The following SETD2 variants were observed in gnomAD, a reference collection of about 807,000 sequenced individuals.
SETD2 encodes histone-lysine N-methyltransferase SETD2.
SETD2 carries 31 observed loss-of-function variants against 242.1 expected under a neutral mutation model. The ratio of observed to expected loss-of-function variants is 0.13; its 90% CI spans 0.10 to 0.17. The LOEUF (loss-of-function observed/expected upper bound fraction) is 0.17, where lower values mean the gene tolerates loss of function less well. Ranked by LOEUF, SETD2 falls within the 10% of genes least tolerant of loss-of-function variation. The pLI is 1.00. For missense variants in SETD2, 2,481 were observed against 3,046.3 expected (o/e 0.81, Z 4.37); for synonymous variants, 1,006 against 1,066.5 (o/e 0.94, Z 1.11).
intron 5 of SETD2, among the ~76,000 whole-genome samples, chr3:47,112,228 C>T (rs2042682968): frequency 6.6e-6 from 1 of 151,708 alleles, no homozygotes; most frequent in Non-Finnish European, 1.5e-5. Context: ...AATTCTTCTG[C>T]CTCAGCCTCC....
chr3:47,107,911 T>C (rs1404417274), intron 5 of SETD2, among the ~76,000 whole-genome samples: 2 of 152,032 alleles, frequency 1.3e-5, no homozygotes, highest in Non-Finnish European at 2.9e-5. Context: ...AGCCCTGAGT[T>C]TGAATCTACA....
At chr3:47,120,036 TA>T in intron 3 of SETD2, 145 bp downstream of exon 3, 2 of 723,292 alleles carry the variant, frequency 2.8e-6, no homozygotes, top group Non-Finnish European at 4.3e-6. Context: ...TCTAAATAGG[TA>T]AAAACACTTT....
Position 47,163,988 on chromosome 3 carries a change from A to T in SETD2, c.-64T>A. 1 of 1,245,168 alleles carries T rather than the reference A, an allele frequency of 8.0e-7. No homozygotes were observed. Among genetic ancestry groups the T allele is most frequent in the Non-Finnish European group, 1.0e-6 (1 of 988,614 alleles). The allele number at this position is 1,245,168 out of a possible 1,614,324, so 77.1% of individuals were successfully genotyped here. ...GCAGCAGGGCGACGCGGGGGAGGGG[A>T]GGGGAGGAGGCCGCAGGTCCGACCG... On this transcript the variant is annotated 5_prime_UTR_variant, in exon 1 of 21. Transcript: ENST00000409792.
intron 12 of SETD2, among the ~76,000 whole-genome samples, chr3:47,080,263 A>G (rs976391252): frequency 2.6e-5 from 4 of 152,218 alleles, no homozygotes; most frequent in Admixed American, 1.3e-4. Flanking sequence ...GTCATTAGGA[A>G]GAGTTCAACT....
intron 15 of SETD2, among the ~76,000 whole-genome samples, chr3:47,047,424 T>C (rs2039580574): frequency 6.6e-6 from 1 of 152,226 alleles, no homozygotes; most frequent in African/African-American, 2.4e-5. Context: ...AGCCTTGCTG[T>C]CCTAAGAGGT....
Position 47,164,012 on chromosome 3 carries a change from CGCGGCGGCGGCGGCGGCGGCG to C in SETD2, c.-109_-89del, listed in dbSNP as rs76496241. On this transcript the variant is annotated 5_prime_UTR_variant, in exon 1 of 21. Transcript: ENST00000409792. This position sits in a 1 kb window ranked among gnomAD's most constrained non-coding sequence, Gnocchi z 5.4. The stretch of plus-strand genomic sequence containing the variant: ...GAGGGGAGGAGGCCGCAGGTCCGAC[CGCGGCGGCGGCGGCGGCGGCG>C]GCGGCGGCGGCAGGGGCGGCCCGCG... 1.8e-5 allele frequency: 22 copies of C among 1,192,264 alleles called. No individual in the cohort carries two copies. Among genetic ancestry groups the C allele is most frequent in the South Asian group, 1.7e-4 (4 of 24,184 alleles). 73.9% of individuals were successfully genotyped at this position (1,192,264 alleles called of 1,614,324 possible).
chr3:47,090,640 T>C (rs547172383), intron 9 of SETD2, among the ~76,000 whole-genome samples: 1 of 152,232 alleles, frequency 6.6e-6, no homozygotes, highest in East Asian at 1.9e-4. Context: ...TCTGCCCGCC[T>C]CAGCCTCCCA....
At chr3:47,075,311 G>A (rs573553248) in intron 12 of SETD2, among the ~76,000 whole-genome samples, 61 of 152,122 alleles carry the variant, frequency 4.0e-4, no homozygotes, top group African/African-American at 1.2e-3. Flanking sequence ...CGTAATCCTA[G>A]CACTTTGGGA....
intron 1 of SETD2, among the ~76,000 whole-genome samples, chr3:47,131,406 C>T (rs1335545702): frequency 3.3e-5 from 5 of 152,004 alleles, no homozygotes; most frequent in African/African-American, 4.8e-5. Context: ...TGCAGTGGCG[C>T]GATCTCAGCT....
chr3:47,108,079 G>A (rs533279892), intron 5 of SETD2, among the ~76,000 whole-genome samples: 2 of 152,012 alleles, frequency 1.3e-5, no homozygotes, highest in East Asian at 3.9e-4. Context: ...GGGAGTTTCC[G>A]ACCAGCTGGG....
At chr3:47,040,885 T>C (rs770563946) in intron 17 of SETD2, among the ~76,000 whole-genome samples, 10 of 152,210 alleles carry the variant, frequency 6.6e-5, no homozygotes, top group Non-Finnish European at 1.3e-4. Flanking sequence ...AAGGAACTTA[T>C]ACATACTTCT....
intron 1 of SETD2, among the ~76,000 whole-genome samples, chr3:47,139,188 C>T (rs1020873836): frequency 2.6e-5 from 4 of 152,130 alleles, no homozygotes; most frequent in African/African-American, 9.7e-5. Context: ...TCATCACCTT[C>T]CTCCCTCTCA....
intron 1 of SETD2, among the ~76,000 whole-genome samples, chr3:47,150,518 C>G (rs539998030): frequency 6.6e-6 from 1 of 152,138 alleles, no homozygotes; most frequent in African/African-American, 2.4e-5. Context: ...ATTACCCATC[C>G]TGGAAAATAC....
chr3:47,160,683 ACCAATTAC>A (rs1232331852), intron 1 of SETD2, among the ~76,000 whole-genome samples: 1 of 152,188 alleles, frequency 6.6e-6, no homozygotes, highest in Admixed American at 6.5e-5. Context: ...TGTTTTGTAC[ACCAATTAC>A]CCTTAGTGTG....
chr3:47,071,117 G>A (rs547609575), intron 12 of SETD2, among the ~76,000 whole-genome samples: 1 of 152,300 alleles, frequency 6.6e-6, no homozygotes, highest in African/African-American at 2.4e-5. Context: ...CTACAGGTGC[G>A]TGCCACTATG....
intron 1 of SETD2, among the ~76,000 whole-genome samples, chr3:47,136,093 G>A (rs1289368153): frequency 1.3e-5 from 2 of 152,070 alleles, no homozygotes; most frequent in Non-Finnish European, 2.9e-5. Flanking sequence ...GGTCAAAATT[G>A]AACTGATGAC....
At chr3:47,110,064 CAA>C (rs1321960824) in intron 5 of SETD2, among the ~76,000 whole-genome samples, 3 of 150,864 alleles carry the variant, frequency 2.0e-5, no homozygotes, top group Non-Finnish European at 2.9e-5. Context: ...TATACCCATA[CAA>C]GAGAGTATTA....
chr3:47,101,218 T>G (rs990552604), intron 8 of SETD2, among the ~76,000 whole-genome samples: 5 of 151,968 alleles, frequency 3.3e-5, no homozygotes, highest in Admixed American at 3.3e-4. Flanking sequence ...ATAAGAAATA[T>G]AATTATACAA....
chr3:47,074,430 A>G (rs1559692033), intron 12 of SETD2, among the ~76,000 whole-genome samples: 2 of 152,190 alleles, frequency 1.3e-5, no homozygotes, highest in South Asian at 2.1e-4. Flanking sequence ...TACCTCAGAA[A>G]AAGTCCTAGG....
Sources: gnomAD v4.1 joint callset for allele counts (sites outside exome capture counted in the v4.1 genomes callset) on GRCh38, gnomAD v4.1.1 for gene constraint, Gnocchi (gnomAD v3.1) non-coding constraint, MANE v1.5 for transcripts, NCBI Gene and HGNC (gene_info 2026-07-23, HGNC 2026-07-21) for gene names.